The following PARD3B variants were observed in gnomAD, a reference collection of about 807,000 sequenced individuals.
PARD3B encodes par-3 family cell polarity regulator beta.
A neutral mutation model predicts 130.2 loss-of-function variants in PARD3B; 103 were observed. The ratio of observed to expected loss-of-function variants is 0.79; its 90% CI spans 0.67 to 0.93. The LOEUF is 0.93. Ranked by LOEUF, PARD3B falls within the 40% of genes least tolerant of loss-of-function variation. PARD3B has a pLI of 0.00. For missense variants in PARD3B, 1,609 were observed against 1,499.2 expected (o/e 1.07, Z -1.21); for synonymous variants, 583 against 553.2 (o/e 1.05, Z -0.76).
intron 2 of PARD3B, among the ~76,000 whole-genome samples, chr2:204,918,489 G>T (rs2125743223): frequency 6.6e-6 from 1 of 151,890 alleles, no homozygotes; most frequent in African/African-American, 2.4e-5. Context: ...AATTAACCGG[G>T]CGTAGTGGCG....
chr2:204,941,662 C>T (rs1351989646), intron 2 of PARD3B, among the ~76,000 whole-genome samples: 3 of 152,122 alleles, frequency 2.0e-5, no homozygotes, highest in Non-Finnish European at 2.9e-5. Context: ...TTAACCTTTG[C>T]TTCCATTTGA....
At chr2:205,089,415 C>T (rs1438011709) in intron 4 of PARD3B, among the ~76,000 whole-genome samples, 3 of 152,146 alleles carry the variant, frequency 2.0e-5, no homozygotes, top group African/African-American at 4.8e-5. Flanking sequence ...AGGTGATCCA[C>T]CCACCTTGGC....
At chr2:205,502,345 G>A (rs1665355327) in intron 21 of PARD3B, among the ~76,000 whole-genome samples, 1 of 152,100 alleles carries the variant, frequency 6.6e-6, no homozygotes, top group Non-Finnish European at 1.5e-5. Context: ...TCATCACCAG[G>A]GCACTAGCTA....
At chr2:205,099,391 G>T (rs966535573) in intron 4 of PARD3B, among the ~76,000 whole-genome samples, 2 of 152,048 alleles carry the variant, frequency 1.3e-5, no homozygotes, top group Non-Finnish European at 2.9e-5. Context: ...CATAATCAGG[G>T]TTATTTTTCT....
intron 16 of PARD3B, among the ~76,000 whole-genome samples, chr2:205,267,655 T>C (rs186633379): frequency 7.9e-5 from 12 of 152,282 alleles, no homozygotes; most frequent in African/African-American, 2.4e-4. Flanking sequence ...TCCGCAGTCC[T>C]ATGAGGTGAC....
chr2:204,787,550 G>T (rs2042054175), intron 2 of PARD3B, among the ~76,000 whole-genome samples: 1 of 152,128 alleles, frequency 6.6e-6, no homozygotes, highest in African/African-American at 2.4e-5. Context: ...TTTCTGGAGA[G>T]TCGACATGAT....
intron 4 of PARD3B, among the ~76,000 whole-genome samples, chr2:205,104,198 AT>A (rs1424086724): frequency 6.6e-6 from 1 of 152,214 alleles, no homozygotes; most frequent in Non-Finnish European, 1.5e-5. Flanking sequence ...CTCTTAACAT[AT>A]TGCATTGTGT....
At chr2:205,587,553 G>T (rs138534710) in intron 22 of PARD3B, among the ~76,000 whole-genome samples, 1 of 152,154 alleles carries the variant, frequency 6.6e-6, no homozygotes, top group African/African-American at 2.4e-5. Context: ...AAAAGCTTCT[G>T]GTACCTCATT....
At chr2:205,612,278 G>A (rs554151073) in intron 22 of PARD3B, among the ~76,000 whole-genome samples, 6 of 151,986 alleles carry the variant, frequency 3.9e-5, no homozygotes, top group East Asian at 1.9e-4. Flanking sequence ...TTAGCCTCCC[G>A]AGTAGCTGGG....
At chr2:204,578,643 T>C (rs2032389388) in intron 1 of PARD3B, among the ~76,000 whole-genome samples, 1 of 152,088 alleles carries the variant, frequency 6.6e-6, no homozygotes, top group Non-Finnish European at 1.5e-5. Context: ...ATCATCCCCA[T>C]CTCCAATGAT....
intron 20 of PARD3B, among the ~76,000 whole-genome samples, chr2:205,478,833 T>G (rs752444862): frequency 6.6e-6 from 1 of 152,134 alleles, no homozygotes; most frequent in Non-Finnish European, 1.5e-5. Context: ...CATGCTATAT[T>G]TAGTATGAAA....
At chr2:204,643,992 T>G (rs1272338096) in intron 1 of PARD3B, among the ~76,000 whole-genome samples, 2 of 152,166 alleles carry the variant, frequency 1.3e-5, no homozygotes, top group Non-Finnish European at 2.9e-5. Flanking sequence ...CCTTAACTAG[T>G]CTTCCCCTTC....
intron 2 of PARD3B, among the ~76,000 whole-genome samples, chr2:204,703,440 C>T (rs2037988521): frequency 6.6e-6 from 1 of 152,148 alleles, no homozygotes; most frequent in Non-Finnish European, 1.5e-5. Flanking sequence ...GAAGTGACAG[C>T]TAGTTTATTT....
chr2:205,252,838 ACC>A (rs35793665), intron 16 of PARD3B, among the ~76,000 whole-genome samples: 11,073 of 83,984 alleles, frequency 0.13, 821 homozygotes, highest in East Asian at 0.35. Flanking sequence ...ACCTGAAGGG[ACC>A]CCCCCCCCCC....
chr2:204,879,921 T>A (rs2045975796), intron 2 of PARD3B, among the ~76,000 whole-genome samples: 1 of 152,176 alleles, frequency 6.6e-6, no homozygotes, highest in African/African-American at 2.4e-5. Context: ...CAGAGACCAG[T>A]CAGATTGAAA....
intron 4 of PARD3B, among the ~76,000 whole-genome samples, chr2:205,049,634 G>C (rs984337641): frequency 2.0e-5 from 3 of 152,188 alleles, no homozygotes; most frequent in Non-Finnish European, 2.9e-5. Context: ...TAGAGGAAAT[G>C]ATGGCTACTG....
Position 204,967,376 on chromosome 2 carries a change from C to G in PARD3B, c.394+2053C>G, listed in dbSNP as rs1021705826. Among the ~76,000 whole-genome samples, 1 of 152,208 alleles carries G rather than the reference C, an allele frequency of 6.6e-6. No individual in the cohort carries two copies. Among genetic ancestry groups the G allele is most frequent in the African/African-American group, 2.4e-5 (1 of 41,450 alleles). ...ATTAGACTATTGCAGAGGCCTCAGACTGACCTCTTTCTTTACACTGTGTGC... is the reference window on the plus strand; with the variant it reads ...ATTAGACTATTGCAGAGGCCTCAGAGTGACCTCTTTCTTTACACTGTGTGC... On this transcript the variant is annotated intron_variant, in intron 3 of 22. Transcript: ENST00000406610. This position sits in a 1 kb window ranked among gnomAD's most constrained non-coding sequence, Gnocchi z 4.4.
At position 205,551,376 on chromosome 2, in the gene PARD3B, T is replaced by G. The variant is rs1575335466; in HGVS notation, c.3181-1948T>G. On this transcript the variant is annotated intron_variant, in intron 21 of 22. Transcript: ENST00000406610. Reference sequence around the variant, plus strand: ...CTTTTTTTTTTTTTTATCCCCTGTCTGTCACCATCCTTGCCTCTGGTTTTG... The same window carrying G: ...CTTTTTTTTTTTTTTATCCCCTGTCGGTCACCATCCTTGCCTCTGGTTTTG... 4.0e-5 allele frequency among the ~76,000 whole-genome samples: 6 copies of G among 151,090 alleles called. No homozygotes were observed. The East Asian group carries it at 1.2e-3, about 29-fold the overall frequency.
In PARD3B at chr2:205,419,752, C is replaced by T. The variant is rs79276145; in HGVS notation, c.2741+18629C>T. On this transcript the variant is annotated intron_variant, in intron 19 of 22. Coordinates refer to ENST00000406610, the MANE Select transcript of PARD3B (RefSeq NM_001302769.2). Reference sequence around the variant, plus strand: ...TCAGGAAGAAATAAGAAATGCTTCCCAGTGCCAGGCACATAGTAGACTCTC... The same window carrying T: ...TCAGGAAGAAATAAGAAATGCTTCCTAGTGCCAGGCACATAGTAGACTCTC... Among the ~76,000 whole-genome samples the T allele has an allele frequency of 5.4e-3, 826 of 152,232 alleles. 7 individuals are homozygous for T. Among genetic ancestry groups the T allele is most frequent in the African/African-American group, 0.019 (785 of 41,544 alleles).
Sources: allele counts gnomAD v4.1 joint callset (sites outside exome capture counted in the v4.1 genomes callset), GRCh38; gene constraint gnomAD v4.1.1; non-coding constraint Gnocchi (gnomAD v3.1); transcripts MANE v1.5; gene names NCBI Gene and HGNC (gene_info 2026-07-23, HGNC 2026-07-21).